Variants in RUNX1 observed in about 807,000 individuals in gnomAD.
RUNX1 encodes RUNX family transcription factor 1.
A neutral mutation model predicts 42.8 loss-of-function variants in RUNX1; 19 were observed. The ratio of observed to expected loss-of-function variants is 0.44; its 90% CI spans 0.31 to 0.65. The LOEUF (loss-of-function observed/expected upper bound fraction) is 0.65. RUNX1 is among the 30% of genes least tolerant of loss of function. The pLI is 0.07. For missense variants in RUNX1, 528 were observed against 672.0 expected (o/e 0.79, Z 2.37); for synonymous variants, 271 against 289.4 (o/e 0.94, Z 0.64).
chr21:35,043,745 A>C (rs1601706500), intron 2 of RUNX1, among the ~76,000 whole-genome samples: 5 of 152,134 alleles, frequency 3.3e-5, no homozygotes, highest in African/African-American at 1.2e-4. Context: ...GAAACTGAAA[A>C]TTTGCTTGAG....
chr21:35,032,257 C>A (rs1246074135), intron 2 of RUNX1, among the ~76,000 whole-genome samples: 2 of 152,174 alleles, frequency 1.3e-5, no homozygotes, highest in Non-Finnish European at 2.9e-5. Context: ...ATAAGTGGGA[C>A]AATCCTTGCC....
At chr21:34,802,553 G>A (rs944623797) in intron 7 of RUNX1, among the ~76,000 whole-genome samples, 1 of 152,084 alleles carries the variant, frequency 6.6e-6, no homozygotes, top group Non-Finnish European at 1.5e-5. Flanking sequence ...TGCTTCACTT[G>A]GGCCACTGTT....
intron 4 of RUNX1, 131 bp downstream of exon 4, chr21:34,886,712 G>T: frequency 7.0e-7 from 1 of 1,437,938 alleles, no homozygotes; most frequent in East Asian, 2.5e-5. Flanking sequence ...CCCAAGCTAG[G>T]AAGACCGACC....
At position 34,976,273 on chromosome 21, in the gene RUNX1, A is replaced by C. The variant is rs545504834; in HGVS notation, c.58+72569T>G. Among the ~76,000 whole-genome samples, 6 of 152,310 alleles carry C rather than the reference A, an allele frequency of 3.9e-5. No individual in the cohort carries two copies. In the South Asian group the frequency reaches 1.2e-3, roughly 32 times the overall value. ...TTATTAGCACATATCTTGCAAGAGT[A>C]TATCATCAACTGCCTTTCCCAAATT... On this transcript the variant is annotated intron_variant, in intron 2 of 8. Coordinates refer to ENST00000675419, the MANE Select transcript of RUNX1 (RefSeq NM_001754.5).
intron 7 of RUNX1, chr21:34,834,061 T>C (rs2057103466): frequency 8.5e-6 from 4 of 468,948 alleles, no homozygotes; most frequent in Non-Finnish European, 1.2e-5. Flanking sequence ...TCAAGCCTAA[T>C]GGGTAGGTAA....
chr21:34,803,273 C>T (rs778648302), intron 7 of RUNX1, among the ~76,000 whole-genome samples: 1 of 152,016 alleles, frequency 6.6e-6, no homozygotes, highest in African/African-American at 2.4e-5. Context: ...CAGGGCCGGG[C>T]GCAGTGGCTC....
intron 7 of RUNX1, among the ~76,000 whole-genome samples, chr21:34,816,226 A>G (rs964239301): frequency 3.9e-5 from 6 of 152,230 alleles, no homozygotes; most frequent in Non-Finnish European, 7.3e-5. Context: ...GGAGCAAGGA[A>G]AAATCCTTCC....
intron 2 of RUNX1, among the ~76,000 whole-genome samples, chr21:35,032,681 C>G (rs1296569308): frequency 6.6e-6 from 1 of 152,216 alleles, no homozygotes; most frequent in Non-Finnish European, 1.5e-5. Context: ...ACAAGGGACA[C>G]CTACATGACT....
chr21:34,835,477 C>T (rs2057133096), intron 6 of RUNX1, among the ~76,000 whole-genome samples: 1 of 152,064 alleles, frequency 6.6e-6, no homozygotes, highest in Admixed American at 6.5e-5. Flanking sequence ...CAAGTGTCCT[C>T]ATCATGCTCT....
Position 34,791,471 on chromosome 21 carries a change from A to T in RUNX1, c.*664T>A, listed in dbSNP as rs1397667025. On this transcript the variant is annotated 3_prime_UTR_variant, in exon 9 of 9. Transcript: ENST00000675419. ...ACAAAACAAAAAAAAACAACTACCC[A>T]AAAGTCCAAAAGAAAAGTTAAATAA... The T allele has an allele frequency of 8.6e-6, 2 of 232,588 alleles. No individual in the cohort carries two copies. The highest frequency in any genetic ancestry group is 6.1e-5 in the East Asian group (1 of 16,414). The allele number at this position is 232,588 out of a possible 1,614,324, so 14.4% of individuals were successfully genotyped here.
At position 34,908,426 on chromosome 21, in the gene RUNX1, G is replaced by A. The variant is rs535957757; in HGVS notation, c.59-15463C>T. ...ACTAAAAAATGTGCAAAATGTCCTCGGGGAAAAAAAGTAGTATAAAACATA... is the reference window on the plus strand; with the variant it reads ...ACTAAAAAATGTGCAAAATGTCCTCAGGGAAAAAAAGTAGTATAAAACATA... On this transcript the variant is annotated intron_variant, in intron 2 of 8. Coordinates refer to ENST00000675419, the MANE Select transcript of RUNX1 (RefSeq NM_001754.5). Among the ~76,000 whole-genome samples the A allele has an allele frequency of 6.6e-5, 10 of 151,932 alleles. No individual in the cohort carries two copies. The East Asian group carries it at 1.5e-3, about 23-fold the overall frequency.
chr21:34,893,128 GAAAT>G (rs2058099107), intron 2 of RUNX1, among the ~76,000 whole-genome samples, 165 bp from the exon 3 acceptor site: 1 of 151,638 alleles, frequency 6.6e-6, no homozygotes, highest in Admixed American at 6.6e-5. Context: ...CACCAAATAA[GAAAT>G]AAACTGTTCC....
chr21:34,898,698 G>A (rs1160427914), intron 2 of RUNX1, among the ~76,000 whole-genome samples: 2 of 152,132 alleles, frequency 1.3e-5, no homozygotes, highest in Non-Finnish European at 2.9e-5. Context: ...CCTTGCCAGC[G>A]AGGCTGTGTT....
At chr21:34,936,278 T>A (rs7283100) in intron 2 of RUNX1, among the ~76,000 whole-genome samples, 24,726 of 151,492 alleles carry the variant, frequency 0.16, 4,020 homozygotes, top group African/African-American at 0.43. Flanking sequence ...CCCTCTTTTT[T>A]AAAAAAAAAT....
chr21:35,029,879 G>A (rs76284164), intron 2 of RUNX1, among the ~76,000 whole-genome samples: 8 of 152,294 alleles, frequency 5.3e-5, no homozygotes, highest in African/African-American at 9.6e-5. Flanking sequence ...ACCTTGTCAC[G>A]ATCACATTTC....
chr21:34,814,055 A>G (rs2145966897), intron 7 of RUNX1, among the ~76,000 whole-genome samples: 1 of 152,336 alleles, frequency 6.6e-6, no homozygotes, highest in Admixed American at 6.5e-5. Flanking sequence ...TCAAAAAAAA[A>G]GAAGTCACTG....
At chr21:35,033,808 C>G (rs1569158780) in intron 2 of RUNX1, among the ~76,000 whole-genome samples, 1 of 152,070 alleles carries the variant, frequency 6.6e-6, no homozygotes, top group East Asian at 1.9e-4. Context: ...TTTTTAAAGT[C>G]TTCAAAGAAA....
At position 35,038,826 on chromosome 21, in the gene RUNX1, T is replaced by C. The variant is rs1460914437; in HGVS notation, c.58+10016A>G. ...TTCCAGAGCTGAAGCCTGGCAGCCT[T>C]GGCCGAGGCCATCTCTGAACCCTCT... is the stretch of plus-strand genomic sequence containing the variant. On this transcript the variant is annotated intron_variant, in intron 2 of 8. Transcript: ENST00000675419. 9.0e-6 allele frequency: 4 copies of C among 445,206 alleles called. No individual in the cohort carries two copies. In the Admixed American group the frequency reaches 9.6e-5, roughly 11 times the overall value. 27.6% of individuals were successfully genotyped at this position (445,206 alleles called of 1,614,324 possible). A position where few individuals can be genotyped will look rare whatever the true frequency, so the allele number is the denominator to read the frequency against.
intron 2 of RUNX1, among the ~76,000 whole-genome samples, chr21:35,031,782 A>T (rs982002609): frequency 6.6e-6 from 1 of 152,190 alleles, no homozygotes; most frequent in African/African-American, 2.4e-5. Context: ...AAGAACAAAC[A>T]CTGCATCATC....
Sources: allele counts gnomAD v4.1 joint callset (sites outside exome capture counted in the v4.1 genomes callset), GRCh38; gene constraint gnomAD v4.1.1; transcripts MANE v1.5; gene names NCBI Gene and HGNC (gene_info 2026-07-23, HGNC 2026-07-21).